Variants in SNTG2 observed in about 807,000 individuals in gnomAD.
The protein encoded by SNTG2 is gamma-2-syntrophin.
In SNTG2, 74 loss-of-function variants were observed where a neutral mutation model predicts 70.9. The ratio of observed to expected loss-of-function variants is 1.04; its 90% CI spans 0.86 to 1.27. The LOEUF is 1.27. SNTG2 is among the 50% of genes most tolerant of loss of function. SNTG2 has a pLI of 0.00. For synonymous variants in SNTG2, 278 were observed against 273.8 expected (o/e 1.02, Z -0.15); for missense variants, 717 against 690.7 (o/e 1.04, Z -0.43).
intron 1 of SNTG2, among the ~76,000 whole-genome samples, chr2:1,039,737 C>T (rs1401314647): frequency 6.6e-6 from 1 of 152,166 alleles, no homozygotes; most frequent in African/African-American, 2.4e-5. Flanking sequence ...AATATAAGCG[C>T]TGCTCCTAAT....
chr2:1,142,765 G>C (rs1393020209), intron 6 of SNTG2, among the ~76,000 whole-genome samples: 1 of 152,154 alleles, frequency 6.6e-6, no homozygotes, highest in African/African-American at 2.4e-5. Flanking sequence ...ATTCAATCCA[G>C]AATCTCTAGT....
intron 1 of SNTG2, among the ~76,000 whole-genome samples, chr2:1,080,523 CGTGTTT>C: frequency 6.6e-6 from 1 of 151,316 alleles, no homozygotes; most frequent in Admixed American, 6.6e-5. Flanking sequence ...TCTGTGTGCC[CGTGTTT>C]GTGTCTGTGT....
chr2:989,497 T>G (rs561571155), intron 1 of SNTG2, among the ~76,000 whole-genome samples: 12 of 152,342 alleles, frequency 7.9e-5, no homozygotes, highest in Admixed American at 5.2e-4. Context: ...TCTGATATGG[T>G]GTATCACATT....
At chr2:1,226,004 AAAG>A (rs1412489776) in intron 9 of SNTG2, among the ~76,000 whole-genome samples, 1 of 152,192 alleles carries the variant, frequency 6.6e-6, no homozygotes, top group African/African-American at 2.4e-5. Context: ...ACACTGGAAA[AAAG>A]AAAAAAAAAA....
At chr2:1,257,482 A>C (rs887022594) in intron 12 of SNTG2, among the ~76,000 whole-genome samples, 1 of 152,170 alleles carries the variant, frequency 6.6e-6, no homozygotes, top group Non-Finnish European at 1.5e-5. Flanking sequence ...ACAGGGACGA[A>C]CAGAAAGGGG....
intron 14 of SNTG2, among the ~76,000 whole-genome samples, chr2:1,292,966 A>G (rs1003549560): frequency 2.6e-5 from 4 of 152,168 alleles, no homozygotes; most frequent in Admixed American, 6.5e-5. Flanking sequence ...CAGCGAAACT[A>G]TCTGGCCCTT....
intron 1 of SNTG2, among the ~76,000 whole-genome samples, chr2:1,025,117 G>A (rs894697243): frequency 6.6e-6 from 1 of 152,192 alleles, no homozygotes; most frequent in Non-Finnish European, 1.5e-5. Context: ...GAGCTTAACA[G>A]AAAGAGTAGA....
At chr2:1,243,088 A>G (rs559288247) in intron 11 of SNTG2, among the ~76,000 whole-genome samples, 10 of 152,376 alleles carry the variant, frequency 6.6e-5, no homozygotes, top group Middle Eastern at 3.4e-3. Context: ...TCTTTGCTAA[A>G]TCTAGCATAA....
chr2:968,154 C>T (rs1168653791), intron 1 of SNTG2, among the ~76,000 whole-genome samples: 1 of 149,584 alleles, frequency 6.7e-6, no homozygotes, highest in African/African-American at 2.5e-5. Context: ...TTTTTTTTAA[C>T]TATAAATTCA....
At chr2:1,148,144 G>A (rs1162302351) in intron 6 of SNTG2, among the ~76,000 whole-genome samples, 3 of 152,170 alleles carry the variant, frequency 2.0e-5, no homozygotes, top group Admixed American at 6.5e-5. Flanking sequence ...ATTTCAGGGG[G>A]CCCTGCAAGA....
chr2:978,101 G>T (rs1558290083), intron 1 of SNTG2, among the ~76,000 whole-genome samples: 1 of 152,194 alleles, frequency 6.6e-6, no homozygotes. Flanking sequence ...CAACATGGGC[G>T]AATCCACCCA....
At chr2:1,244,527 T>G (rs1677280202) in intron 11 of SNTG2, among the ~76,000 whole-genome samples, 1 of 151,874 alleles carries the variant, frequency 6.6e-6, no homozygotes, top group African/African-American at 2.4e-5. Context: ...AAACCCTGTC[T>G]CTACTAAAAA....
intron 8 of SNTG2, among the ~76,000 whole-genome samples, chr2:1,173,416 C>T (rs1249898427): frequency 1.3e-5 from 2 of 152,192 alleles, no homozygotes; most frequent in Admixed American, 6.5e-5. Flanking sequence ...TTCACAGCAT[C>T]TCAGTGAGCA....
Position 950,874 on chromosome 2 carries a change from G to A in SNTG2, c.-123G>A, listed in dbSNP as rs1251015046. 1 of 324,160 alleles carries A rather than the reference G, an allele frequency of 3.1e-6. No homozygotes were observed. The highest frequency in any genetic ancestry group is 2.2e-5 in the African/African-American group (1 of 45,108). 20.1% of individuals were successfully genotyped at this position (324,160 alleles called of 1,614,324 possible). A position where few individuals can be genotyped will look rare whatever the true frequency, so the allele number is the denominator to read the frequency against. On this transcript the variant is annotated 5_prime_UTR_variant, in exon 1 of 17. Coordinates refer to ENST00000308624, the MANE Select transcript of SNTG2 (RefSeq NM_018968.4). ...AGCCCTGCGCCCCGGTGGAGCCCGA[G>A]CCGGAGCCGGCAGAGGGGCGCGGGC...
intron 1 of SNTG2, among the ~76,000 whole-genome samples, chr2:1,049,818 T>G (rs1661954623): frequency 6.6e-6 from 1 of 152,236 alleles, no homozygotes. Flanking sequence ...ATTGTCAGTG[T>G]TTTGAATTCC....
At chr2:1,159,420 C>T (rs1385399125) in intron 6 of SNTG2, 1 of 151,966 alleles carries the variant, frequency 6.6e-6, no homozygotes, top group Admixed American at 6.6e-5. Flanking sequence ...CAGATGATAT[C>T]TAGTAAACAA....
Position 1,165,420 on chromosome 2 carries a change from C to T in SNTG2, c.412-128C>T, listed in dbSNP as rs929807192. ...CTCCAGCTGAAGCCCACAAAGTTTT[C>T]CGTGTTTCAGAGGTAACTATGAACT... On this transcript the variant is annotated intron_variant, in intron 6 of 16. Transcript: ENST00000308624. 5.7e-6 allele frequency: 5 copies of T among 876,832 alleles called. No individual in the cohort carries two copies. The African/African-American group carries it at 8.6e-5, about 15-fold the overall frequency. The allele number at this position is 876,832 out of a possible 1,614,324, so 54.3% of individuals were successfully genotyped here. A position where few individuals can be genotyped will look rare whatever the true frequency, so the allele number is the denominator to read the frequency against.
At chr2:1,331,211 G>C (rs983715203) in intron 16 of SNTG2, among the ~76,000 whole-genome samples, 2 of 152,178 alleles carry the variant, frequency 1.3e-5, no homozygotes, top group Admixed American at 6.5e-5. Context: ...CTTCTCTTCA[G>C]GGCAAAAGAA....
chr2:1,119,114 A>G (rs1476458645), intron 4 of SNTG2, among the ~76,000 whole-genome samples: 1 of 152,244 alleles, frequency 6.6e-6, no homozygotes, highest in African/African-American at 2.4e-5. Context: ...AAAGAATAGT[A>G]TGATACCTAC....
Sources: allele counts gnomAD v4.1 joint callset (sites outside exome capture counted in the v4.1 genomes callset), GRCh38; gene constraint gnomAD v4.1.1; transcripts MANE v1.5; gene names NCBI Gene and HGNC (gene_info 2026-07-23, HGNC 2026-07-21).